AGBL4: variants seen among roughly 807,000 people sequenced by gnomAD.
The protein encoded by AGBL4 is AGBL carboxypeptidase 4.
AGBL4 carries 58 observed loss-of-function variants against 66.4 expected under a neutral mutation model. That is an observed-to-expected ratio of 0.87 (90% CI 0.71 to 1.09). AGBL4 has a LOEUF of 1.09. Ranked by LOEUF, AGBL4 falls within the 50% of genes least tolerant of loss-of-function variation. The pLI is 0.00. For missense variants in AGBL4, 579 were observed against 631.0 expected, an observed-to-expected ratio of 0.92 and a Z score of 0.88; for synonymous variants, 234 against 222.9, an observed-to-expected ratio of 1.05 and a Z score of -0.44.
intron 1 of AGBL4, among the ~76,000 whole-genome samples, chr1:49,867,246 G>A (rs1006060295): frequency 2.0e-5 from 3 of 151,236 alleles, no homozygotes; most frequent in Non-Finnish European, 4.4e-5. Context: ...CTTAATTCCA[G>A]GAAACTAATT....
At chr1:49,208,542 T>G (rs1648421542) in intron 4 of AGBL4, among the ~76,000 whole-genome samples, 2 of 152,044 alleles carry the variant, frequency 1.3e-5, no homozygotes, top group Non-Finnish European at 2.9e-5. Context: ...TTACCACAGC[T>G]GCCCCTTCTG....
chr1:49,170,278 T>C (rs1270678526), intron 4 of AGBL4, among the ~76,000 whole-genome samples: 1 of 145,494 alleles, frequency 6.9e-6, no homozygotes, highest in Non-Finnish European at 1.5e-5. Flanking sequence ...TTCATATAAA[T>C]ATATTATAAA....
chr1:49,604,541 CTATT>C (rs1645028774), intron 3 of AGBL4, among the ~76,000 whole-genome samples: 1 of 152,088 alleles, frequency 6.6e-6, no homozygotes, highest in Non-Finnish European at 1.5e-5. Context: ...ACTTTGATGA[CTATT>C]TATTTTGCTG....
intron 6 of AGBL4, among the ~76,000 whole-genome samples, chr1:48,738,197 GA>G (rs375250728): frequency 1.3e-4 from 20 of 151,998 alleles, no homozygotes; most frequent in African/African-American, 4.3e-4. Context: ...CCATCAAGAA[GA>G]AAAAAAATAG....
At chr1:49,480,575 TCA>T (rs1016223329) in intron 3 of AGBL4, among the ~76,000 whole-genome samples, 1 of 152,068 alleles carries the variant, frequency 6.6e-6, no homozygotes, top group African/African-American at 2.4e-5. Flanking sequence ...ATATTTTCTT[TCA>T]TTTTGTAGAT....
intron 3 of AGBL4, among the ~76,000 whole-genome samples, chr1:49,420,854 G>T (rs1645531051): frequency 6.6e-6 from 1 of 152,178 alleles, no homozygotes; most frequent in Non-Finnish European, 1.5e-5. Context: ...TCCTGTGCTA[G>T]ATGCTGGGGA....
At chr1:49,981,700 A>T (rs1659070075) in intron 1 of AGBL4, among the ~76,000 whole-genome samples, 1 of 152,176 alleles carries the variant, frequency 6.6e-6, no homozygotes, top group South Asian at 2.1e-4. Flanking sequence ...CAAGATAATA[A>T]TCGCATTAAC....
the AGBL4 span, among the ~76,000 whole-genome samples, chr1:48,524,546 G>A: frequency 1.3e-5 from 2 of 152,258 alleles, no homozygotes; most frequent in Non-Finnish European, 1.5e-5. Flanking sequence ...GGGCAGAGGG[G>A]TGATCCATTA....
At chr1:49,124,781 AT>A (rs1645732239) in intron 4 of AGBL4, among the ~76,000 whole-genome samples, 1 of 152,240 alleles carries the variant, frequency 6.6e-6, no homozygotes, top group South Asian at 2.1e-4. Context: ...TATCTCTGAA[AT>A]TTAATTTCTG....
chr1:49,013,533 A>G (rs541136472), intron 5 of AGBL4, among the ~76,000 whole-genome samples: 3 of 152,298 alleles, frequency 2.0e-5, no homozygotes, highest in East Asian at 3.9e-4. Context: ...CAACCTTCCA[A>G]TTTAAAAAGT....
chr1:48,576,092 A>G lies in AGBL4; in HGVS notation c.1267+10912T>C, dbSNP rs541887947. On this transcript the variant is annotated intron_variant, in intron 11 of 13. Transcript: ENST00000371839. ...AGCAGGGGTCCTCAAGCCCCTGGCCATGGATTGGTACTGTGGCCTGTTAGG... is the reference window on the plus strand; with the variant it reads ...AGCAGGGGTCCTCAAGCCCCTGGCCGTGGATTGGTACTGTGGCCTGTTAGG... Among the ~76,000 whole-genome samples, 187 of 152,260 alleles carry G rather than the reference A, an allele frequency of 1.2e-3. 2 individuals carry two copies. Among genetic ancestry groups the G allele is most frequent in the African/African-American group, 4.3e-3 (178 of 41,558 alleles).
intron 5 of AGBL4, among the ~76,000 whole-genome samples, chr1:48,972,750 A>G (rs964598769): frequency 2.6e-5 from 4 of 152,198 alleles, no homozygotes; most frequent in African/African-American, 9.6e-5. Flanking sequence ...GGGGTTAGAA[A>G]GAATTGTTCA....
intron 3 of AGBL4, among the ~76,000 whole-genome samples, chr1:49,444,200 G>C (rs1557946283): frequency 6.6e-6 from 1 of 151,956 alleles, no homozygotes; most frequent in Non-Finnish European, 1.5e-5. Flanking sequence ...TTTGGAGAAT[G>C]TTCCATATGT....
chr1:49,679,441 T>C (rs1646646163), intron 3 of AGBL4, among the ~76,000 whole-genome samples: 1 of 152,108 alleles, frequency 6.6e-6, no homozygotes, highest in South Asian at 2.1e-4. Context: ...TCAATCTATC[T>C]ATATAATAAC....
chr1:48,613,018 C>T (rs770523109), intron 9 of AGBL4, among the ~76,000 whole-genome samples: 1 of 152,016 alleles, frequency 6.6e-6, no homozygotes, highest in Non-Finnish European at 1.5e-5. Flanking sequence ...CCTGTAGTCC[C>T]AGCTACTCGG....
At chr1:48,852,041 A>G (rs746447918) in intron 6 of AGBL4, among the ~76,000 whole-genome samples, 58 of 72,900 alleles carry the variant, frequency 8.0e-4, no homozygotes, top group Non-Finnish European at 1.1e-3. Flanking sequence ...TTTTTTTTTC[A>G]GATACCTACT....
At chr1:48,678,447 T>A (rs1056969622) in intron 6 of AGBL4, among the ~76,000 whole-genome samples, 6 of 152,160 alleles carry the variant, frequency 3.9e-5, no homozygotes, top group African/African-American at 1.4e-4. Flanking sequence ...ATCTTGAGAA[T>A]TTCCCCGGAA....
intron 6 of AGBL4, among the ~76,000 whole-genome samples, chr1:48,694,872 C>G (rs1292498298): frequency 6.6e-6 from 1 of 152,176 alleles, no homozygotes; most frequent in East Asian, 1.9e-4. Context: ...ACAGCAGCCT[C>G]TTGCACACAC....
intron 5 of AGBL4, among the ~76,000 whole-genome samples, chr1:48,957,855 C>T (rs757557703): frequency 9.9e-5 from 15 of 152,264 alleles, no homozygotes; most frequent in South Asian, 6.2e-4. Context: ...TTCATCACAG[C>T]CAGAGATCTT....
Sources: gnomAD v4.1 joint callset for allele counts (sites outside exome capture counted in the v4.1 genomes callset) on GRCh38, gnomAD v4.1.1 for gene constraint, MANE v1.5 for transcripts, NCBI Gene and HGNC (gene_info 2026-07-23, HGNC 2026-07-21) for gene names.